Variants in OTOGL observed in about 807,000 individuals in gnomAD.
The protein encoded by OTOGL is otogelin-like protein.
In OTOGL, 285 loss-of-function variants were observed where a neutral mutation model predicts 318.5. The observed-to-expected ratio is 0.89, with a 90% CI of 0.81 to 0.99. The LOEUF is 0.99. Ranked by LOEUF, OTOGL falls within the 50% of genes least tolerant of loss-of-function variation. OTOGL has a pLI of 0.00. For synonymous variants in OTOGL, 987 were observed against 936.5 expected (o/e 1.05, Z -0.99); for missense variants, 2,899 against 2,845.6 (o/e 1.02, Z -0.43).
chr12:80,329,554 A>T (rs1488710679), intron 37 of OTOGL, among the ~76,000 whole-genome samples: 6 of 152,176 alleles, frequency 3.9e-5, no homozygotes, highest in African/African-American at 7.2e-5. Flanking sequence ...AACAGACATA[A>T]ATCAGGGTTT....
chr12:80,354,419 G>A (rs10444535), intron 46 of OTOGL, among the ~76,000 whole-genome samples: 2 of 152,018 alleles, frequency 1.3e-5, no homozygotes, highest in Non-Finnish European at 2.9e-5. Context: ...TATTCTCTTA[G>A]AGCAACACAA....
chr12:80,119,585 A>C (rs2137095839), intron 1 of OTOGL, among the ~76,000 whole-genome samples: 1 of 152,302 alleles, frequency 6.6e-6, no homozygotes, highest in South Asian at 2.1e-4. Context: ...GTTTATAGGA[A>C]AGTGCCTAAT....
At chr12:80,148,037 C>A (rs1315386131) in intron 1 of OTOGL, among the ~76,000 whole-genome samples, 2 of 151,982 alleles carry the variant, frequency 1.3e-5, no homozygotes, top group African/African-American at 2.4e-5. Flanking sequence ...TTAATTGGAG[C>A]ATTTAGTCCA....
At chr12:80,210,958 C>A (rs1877208052) in intron 3 of OTOGL, 72 bp downstream of exon 3, 1 of 999,906 alleles carries the variant, frequency 1.0e-6, no homozygotes, top group Non-Finnish European at 1.3e-6. Flanking sequence ...CAGCAGGCAA[C>A]TATATCTGCT....
At chr12:80,273,617 C>T (rs995389216) in intron 24 of OTOGL, among the ~76,000 whole-genome samples, 1 of 152,046 alleles carries the variant, frequency 6.6e-6, no homozygotes, top group Non-Finnish European at 1.5e-5. Context: ...ATAGTAAGAG[C>T]TCAGCAAATG....
At position 80,342,036 on chromosome 12, in the gene OTOGL, G is replaced by A. The variant is rs372556502; in HGVS notation, c.5139G>A (p.Glu1713=). The A allele has an allele frequency of 1.2e-6, 2 of 1,607,584 alleles. No homozygotes were observed. The highest frequency in any genetic ancestry group is 2.2e-5 in the East Asian group (1 of 44,692). The change falls in exon 44 of 59, where the codon GAG becomes GAA. Residue 1713 remains glutamate, a synonymous_variant. Coordinates refer to ENST00000547103, the MANE Select transcript of OTOGL (RefSeq NM_001378609.3). ...TNMEDIGLFI[E]SWEIEKSFEV... Reference sequence around the variant, plus strand: ...TGGAAGACATAGGATTATTTATTGAGAGCTGGGAAATTGAGAAATCATTTG... The same window carrying A: ...TGGAAGACATAGGATTATTTATTGAAAGCTGGGAAATTGAGAAATCATTTG...
intron 44 of OTOGL, among the ~76,000 whole-genome samples, chr12:80,342,994 G>A (rs1888877947): frequency 6.6e-6 from 1 of 152,114 alleles, no homozygotes; most frequent in South Asian, 2.1e-4. Context: ...TGATTCTCCT[G>A]CCTCAGCCTC....
Position 80,334,917 on chromosome 12 carries a change from A to T in OTOGL, c.4423-1046A>T, listed in dbSNP as rs567390127. On this transcript the variant is annotated intron_variant, in intron 38 of 58. Transcript: ENST00000547103. ...GCAAGGTCAATACCTGAGAAGTGGT[A>T]CAACTTTTACACAGAAAATTTTGGA... 2.0e-5 allele frequency among the ~76,000 whole-genome samples: 3 copies of T among 152,316 alleles called. No homozygotes were observed. The East Asian group carries it at 5.8e-4, about 29-fold the overall frequency.
intron 1 of OTOGL, among the ~76,000 whole-genome samples, chr12:80,159,836 C>G (rs765148646): frequency 1.1e-4 from 17 of 152,228 alleles, no homozygotes; most frequent in Non-Finnish European, 2.1e-4. Flanking sequence ...ATCACATTAC[C>G]TGACTTCAAA....
In OTOGL at chr12:80,377,199, C is replaced by T; in HGVS notation, c.6858C>T (p.Ser2286=). The change falls in exon 58 of 59, where the codon AGC becomes AGT. Residue 2286 remains serine (S), a synonymous_variant. Transcript: ENST00000547103. ...VIRKQDCMSQ[S]PINVASCDGK... ...GGAAACAGGACTGTATGAGCCAAAGCCCTGTAAGTGGAAAAATGTCATTTG... is the reference window on the plus strand; with the variant it reads ...GGAAACAGGACTGTATGAGCCAAAGTCCTGTAAGTGGAAAAATGTCATTTG... 6.3e-7 allele frequency: 1 copy of T among 1,594,858 alleles called. No homozygotes were observed.
intron 27 of OTOGL, among the ~76,000 whole-genome samples, chr12:80,301,227 GAA>G (rs1232297943): frequency 3.9e-5 from 6 of 152,044 alleles, no homozygotes; most frequent in Non-Finnish European, 8.8e-5. Flanking sequence ...GTGCATTTTT[GAA>G]GTTATTATAT....
At chr12:80,330,090 G>A (rs1456087522) in intron 37 of OTOGL, among the ~76,000 whole-genome samples, 1 of 152,172 alleles carries the variant, frequency 6.6e-6, no homozygotes, top group Non-Finnish European at 1.5e-5. Flanking sequence ...GGAATCTTAA[G>A]CAGGTCAGTG....
chr12:80,336,089 A>C lies in OTOGL; in HGVS notation c.4549A>C (p.Arg1517=), dbSNP rs747071845. ...AATGCCTGACTGTGGTTTCCGAGGA[A>C]GGCCAGTTCAAGTGAACAGTGATAT... ...VEMPDCGFRG[R]PVQVNSDICC... is the part of the protein sequence containing the mutation. The change falls in exon 39 of 59, where the codon AGG becomes CGG. Residue 1517 remains arginine (R), a synonymous_variant. Transcript: ENST00000547103. The C allele has an allele frequency of 6.3e-7, 1 of 1,598,816 alleles. No individual in the cohort carries two copies. The highest frequency in any genetic ancestry group is 1.1e-5 in the South Asian group (1 of 91,040).
chr12:80,163,184 AT>A (rs1446304207), intron 1 of OTOGL, among the ~76,000 whole-genome samples: 1 of 152,070 alleles, frequency 6.6e-6, no homozygotes, highest in African/African-American at 2.4e-5. Context: ...ATGATAGGGC[AT>A]TGTCTTATGC....
intron 52 of OTOGL, among the ~76,000 whole-genome samples, chr12:80,365,020 G>T (rs1441430158): frequency 1.3e-5 from 2 of 152,084 alleles, no homozygotes; most frequent in African/African-American, 4.8e-5. Flanking sequence ...TTACAAGGCT[G>T]TGGAGAAATG....
chr12:80,355,229 C>CAT (rs1889806336), intron 46 of OTOGL, among the ~76,000 whole-genome samples: 12 of 50,022 alleles, frequency 2.4e-4, no homozygotes, highest in African/African-American at 4.7e-4. Context: ...TCTTTCTTTT[C>CAT]TTTTTTTTTT....
intron 24 of OTOGL, among the ~76,000 whole-genome samples, chr12:80,275,400 T>C (rs1319642523): frequency 6.6e-6 from 1 of 151,964 alleles, no homozygotes; most frequent in Non-Finnish European, 1.5e-5. Context: ...TATGACTGAT[T>C]TGCTTCAATC....
intron 1 of OTOGL, chr12:80,208,197 T>G (rs1876956982): frequency 1.9e-6 from 1 of 517,588 alleles, no homozygotes; most frequent in Non-Finnish European, 3.9e-6. Flanking sequence ...AGCTATTATT[T>G]CGGCAATGGA....
At chr12:80,258,567 T>A (rs908372033) in intron 18 of OTOGL, among the ~76,000 whole-genome samples, 3 of 152,246 alleles carry the variant, frequency 2.0e-5, no homozygotes, top group Non-Finnish European at 4.4e-5. Flanking sequence ...ATTGACCAGG[T>A]ACTTTTCACC....
Sources: gnomAD v4.1 joint callset for allele counts (sites outside exome capture counted in the v4.1 genomes callset) on GRCh38, gnomAD v4.1.1 for gene constraint, MANE v1.5 for transcripts, NCBI Gene and HGNC (gene_info 2026-07-23, HGNC 2026-07-21) for gene names.